Variants in MED12L observed in about 807,000 individuals in gnomAD.
The protein encoded by MED12L is mediator complex subunit 12L.
MED12L carries 60 observed loss-of-function variants against 281.3 expected under a neutral mutation model. That is an observed-to-expected ratio of 0.21 (90% CI 0.17 to 0.26). MED12L has a LOEUF of 0.26. Among genes scored for constraint, MED12L ranks in the 10% least tolerant of loss-of-function variants. MED12L has a pLI of 1.00. For missense variants in MED12L, 2,146 were observed against 2,680.9 expected (o/e 0.80, Z 4.41); for synonymous variants, 974 against 987.2 (o/e 0.99, Z 0.25).
At chr3:151,337,902 C>A (rs758959749) in intron 16 of MED12L, 1 of 1,613,968 alleles carries the variant, frequency 6.2e-7, no homozygotes, top group Non-Finnish European at 8.5e-7. Flanking sequence ...AGAATTGGGG[C>A]ACTTCAGCAT....
rs117598785 is a variant in MED12L, at chr3:151,163,665, A to G, written c.1108-228A>G. 7.9e-5 allele frequency among the ~76,000 whole-genome samples: 12 copies of G among 152,204 alleles called. No individual in the cohort carries two copies. In the East Asian group the frequency reaches 1.5e-3, roughly 20 times the overall value. Reference sequence around the variant, plus strand: ...TTCCTGTTGGAGTATTAGCTTATGAATTATTCCTTAATTTCTCAACAGCTG... The same window carrying G: ...TTCCTGTTGGAGTATTAGCTTATGAGTTATTCCTTAATTTCTCAACAGCTG... On this transcript the variant is annotated intron_variant, in intron 8 of 44. Coordinates refer to ENST00000687756, the MANE Select transcript of MED12L (RefSeq NM_001393769.1).
Position 151,411,468 on chromosome 3 carries a change from A to T in MED12L, c.6101A>T (p.Gln2034Leu). 6.2e-7 allele frequency: 1 copy of T among 1,614,228 alleles called. No individual in the cohort carries two copies. The highest frequency in any genetic ancestry group is 8.5e-7 in the Non-Finnish European group (1 of 1,180,030). Residue 2034 changes from glutamine (Q) to leucine (L), a missense_variant, in exon 41 of 45, where the codon CAG becomes CTG. Transcript: ENST00000687756. ...QQQPSGYVQQ[Q>L]ASPYLQPLTG... ...CAGCCGAGTGGCTATGTTCAGCAGC[A>T]GGCCTCGCCGTACCTGCAGCCCCTG... is the stretch of plus-strand genomic sequence containing the variant.
At chr3:151,134,047 C>T (rs1299160371) in intron 5 of MED12L, among the ~76,000 whole-genome samples, 3 of 152,114 alleles carry the variant, frequency 2.0e-5, no homozygotes, top group African/African-American at 4.8e-5. Context: ...ATGGAATCCC[C>T]GGTATTGTGA....
At chr3:151,288,104 G>C (rs1392052307) in intron 16 of MED12L, among the ~76,000 whole-genome samples, 1 of 152,088 alleles carries the variant, frequency 6.6e-6, no homozygotes, top group African/African-American at 2.4e-5. Flanking sequence ...ATCCAATCAG[G>C]GTTCTCAATG....
chr3:151,373,294 A>G (rs1756409340), intron 27 of MED12L, among the ~76,000 whole-genome samples: 1 of 152,178 alleles, frequency 6.6e-6, no homozygotes, highest in African/African-American at 2.4e-5. Context: ...TCAGGTAATC[A>G]TGTCTGAAGG....
intron 16 of MED12L, among the ~76,000 whole-genome samples, chr3:151,214,965 T>C (rs989179395): frequency 1.3e-5 from 2 of 152,192 alleles, no homozygotes; most frequent in Non-Finnish European, 2.9e-5. Context: ...AATGTTTACA[T>C]ATTAAGAGCT....
intron 4 of MED12L, among the ~76,000 whole-genome samples, chr3:151,126,660 A>G (rs929257503): frequency 5.3e-5 from 8 of 152,218 alleles, no homozygotes; most frequent in Non-Finnish European, 1.2e-4. Flanking sequence ...AGTTTGGGAC[A>G]GAGAGACCAG....
At chr3:151,391,036 A>G (rs1714173046) in intron 38 of MED12L, among the ~76,000 whole-genome samples, 1 of 152,174 alleles carries the variant, frequency 6.6e-6, no homozygotes, top group Admixed American at 6.5e-5. Context: ...GCTAATACCT[A>G]TTCCCATAGG....
At chr3:151,148,994 C>A (rs1182720820) in intron 5 of MED12L, among the ~76,000 whole-genome samples, 1 of 152,090 alleles carries the variant, frequency 6.6e-6, no homozygotes, top group Non-Finnish European at 1.5e-5. Context: ...ATGTTTGAAA[C>A]CTTTTAGGTG....
intron 9 of MED12L, 77 bp from the exon 10 acceptor site, chr3:151,165,343 G>A (rs949748078): frequency 2.7e-5 from 31 of 1,164,180 alleles, no homozygotes; most frequent in South Asian, 2.6e-4. Context: ...CTTTACTCAC[G>A]TGGAAAAACC....
chr3:151,169,453 T>G (rs1484509037), intron 11 of MED12L, among the ~76,000 whole-genome samples: 2 of 152,114 alleles, frequency 1.3e-5, no homozygotes, highest in African/African-American at 4.8e-5. Context: ...ACTTTGCGTA[T>G]TTCTGGAATT....
chr3:151,270,669 G>C (rs924422511), intron 16 of MED12L, among the ~76,000 whole-genome samples: 2 of 152,112 alleles, frequency 1.3e-5, no homozygotes, highest in Admixed American at 6.5e-5. Context: ...GTCAGCAAAG[G>C]GTGAGTTTGA....
chr3:151,166,495 A>G (rs772707227), intron 11 of MED12L, among the ~76,000 whole-genome samples: 3 of 151,996 alleles, frequency 2.0e-5, no homozygotes, highest in Non-Finnish European at 2.9e-5. Context: ...ATCTACCTAG[A>G]GAGAGAAAGG....
In MED12L at chr3:151,191,297, T is replaced by C. The variant is rs543497079; in HGVS notation, c.1968+366T>C. 2.6e-5 allele frequency among the ~76,000 whole-genome samples: 4 copies of C among 152,384 alleles called. No homozygotes were observed. The South Asian group carries it at 8.3e-4, about 32-fold the overall frequency. On this transcript the variant is annotated intron_variant, in intron 14 of 44. Transcript: ENST00000687756. ...TTAAGTGTCAGCTGAGTTTTCATTC[T>C]AAGAATCGTCTTTTCCCTAATGTAT...
rs576427867 is a variant in MED12L, at chr3:151,190,710, T to C, written c.1754-7T>C. 1 of 1,613,832 alleles carries C rather than the reference T, an allele frequency of 6.2e-7. No individual in the cohort carries two copies. The highest frequency in any genetic ancestry group is 1.3e-5 in the African/African-American group (1 of 75,054). On this transcript the variant is annotated splice_polypyrimidine_tract_variant and splice_region_variant and intron_variant, in intron 13 of 44. Coordinates refer to ENST00000687756, the MANE Select transcript of MED12L (RefSeq NM_001393769.1). ...AGGAATTCTTGATTGAATTTGTTTCTCTATAGCGGACCCAAACAGTGAATG... is the reference window on the plus strand; with the variant it reads ...AGGAATTCTTGATTGAATTTGTTTCCCTATAGCGGACCCAAACAGTGAATG...
At chr3:151,190,624 A>G (rs1452044005) in intron 13 of MED12L, 93 bp from the exon 14 acceptor site, 1 of 1,145,432 alleles carries the variant, frequency 8.7e-7, no homozygotes, top group Admixed American at 2.3e-5. Context: ...AGAAAAGTTG[A>G]TTGTGAAAAG....
intron 16 of MED12L, among the ~76,000 whole-genome samples, chr3:151,246,307 C>T (rs1373207825): frequency 2.6e-5 from 4 of 152,082 alleles, no homozygotes; most frequent in African/African-American, 4.8e-5. Flanking sequence ...GAGCCCGTAT[C>T]GCCAAGTCAA....
Position 151,165,342 on chromosome 3 carries a change from C to T in MED12L, c.1258-78C>T, listed in dbSNP as rs568526127. On this transcript the variant is annotated intron_variant, in intron 9 of 44. Transcript: ENST00000687756. ...AGTTCACTATAGGATACTTTACTCA[C>T]GTGGAAAAACCTGACATGATTTAGA... is the stretch of plus-strand genomic sequence containing the variant. 2,904 of 1,133,342 alleles carry T rather than the reference C, an allele frequency of 2.6e-3. 5 individuals carry two copies. The highest frequency in any genetic ancestry group is 3.5e-3 in the Non-Finnish European group (2,611 of 754,104). 70.2% of individuals were successfully genotyped at this position (1,133,342 alleles called of 1,614,324 possible). A position where few individuals can be genotyped will look rare whatever the true frequency, so the allele number is the denominator to read the frequency against.
chr3:151,436,610 C>CAAT lies in MED12L; in HGVS notation c.*3807_*3808insATA, dbSNP rs1480974245. Reference sequence around the variant, plus strand: ...CTGTAAATGTATTCAAATTCATTTACATGCCTATGGCTGCCTTTGATTAAA... The same window carrying CAAT: ...CTGTAAATGTATTCAAATTCATTTACAATATGCCTATGGCTGCCTTTGATTAAA... On this transcript the variant is annotated 3_prime_UTR_variant, in exon 45 of 45. Transcript: ENST00000687756. 32 of 950,272 alleles carry CAAT rather than the reference C, an allele frequency of 3.4e-5. No homozygotes were observed. Among genetic ancestry groups the CAAT allele is most frequent in the Non-Finnish European group, 5.0e-5 (31 of 623,834 alleles). 58.9% of individuals were successfully genotyped at this position (950,272 alleles called of 1,614,324 possible). A position where few individuals can be genotyped will look rare whatever the true frequency, so the allele number is the denominator to read the frequency against.
Sources: allele counts gnomAD v4.1 joint callset (sites outside exome capture counted in the v4.1 genomes callset), GRCh38; gene constraint gnomAD v4.1.1; transcripts MANE v1.5; gene names NCBI Gene and HGNC (gene_info 2026-07-23, HGNC 2026-07-21).